The following PCDH15 variants were observed in gnomAD, a reference collection of about 807,000 sequenced individuals.
The protein encoded by PCDH15 is protocadherin related 15.
A neutral mutation model predicts 178.5 loss-of-function variants in PCDH15; 129 were observed. That is an observed-to-expected ratio of 0.72 (90% CI 0.63 to 0.84). The LOEUF (loss-of-function observed/expected upper bound fraction) is 0.84. PCDH15 is among the 40% of genes least tolerant of loss of function. The probability of loss-of-function intolerance (pLI) is 0.00; values close to 1 mark genes in which losing one functional copy is unlikely to be tolerated. For synonymous variants in PCDH15, 800 were observed against 732.0 expected (o/e 1.09, Z -1.50); for missense variants, 2,230 against 2,099.9 (o/e 1.06, Z -1.21).
chr10:54,042,095 T>C (rs1245280246), intron 18 of PCDH15, among the ~76,000 whole-genome samples: 2 of 152,056 alleles, frequency 1.3e-5, no homozygotes, highest in Admixed American at 1.3e-4. Context: ...AATGTCAAAC[T>C]GGGGAGGCTC....
At chr10:54,001,613 G>T (rs1456395983) in intron 20 of PCDH15, among the ~76,000 whole-genome samples, 7 of 151,808 alleles carry the variant, frequency 4.6e-5, no homozygotes, top group Non-Finnish European at 1.0e-4. Flanking sequence ...AAGCACCAGA[G>T]TATACTACCT....
chr10:53,823,676 A>ACGTAACAGTTCC (rs1360180716), intron 32 of PCDH15: 7 of 480,030 alleles, frequency 1.5e-5, no homozygotes, highest in Non-Finnish European at 2.5e-5. Context: ...CCATGTCCAC[A>ACGTAACAGTTCC]CGTAACAGTT....
intron 2 of PCDH15, among the ~76,000 whole-genome samples, chr10:55,327,393 C>T (rs1844061256): frequency 6.6e-6 from 1 of 151,658 alleles, no homozygotes; most frequent in Non-Finnish European, 1.5e-5. Flanking sequence ...ATGTGAAATG[C>T]AAAATAATGA....
intron 2 of PCDH15, among the ~76,000 whole-genome samples, chr10:55,534,098 T>G (rs1230870820): frequency 6.6e-6 from 1 of 151,716 alleles, no homozygotes; most frequent in African/African-American, 2.4e-5. Context: ...GGATTAAAGA[T>G]TTAAAGACAT....
rs549889762 is a variant in PCDH15, at chr10:54,405,795, T to C, written c.158-26853A>G. Among the ~76,000 whole-genome samples, 3 of 151,540 alleles carry C rather than the reference T, an allele frequency of 2.0e-5. No individual in the cohort carries two copies. In the South Asian group the frequency reaches 6.2e-4, roughly 31 times the overall value. On this transcript the variant is annotated intron_variant, in intron 3 of 37. Coordinates refer to ENST00000644397, the MANE Select transcript of PCDH15 (RefSeq NM_001384140.1). ...GAGATGTATAAGAATATATACAAAA[T>C]GTAATAATGGTTACTTCCAAACAAT...
chr10:54,265,573 T>C (rs1375649727), intron 8 of PCDH15, among the ~76,000 whole-genome samples: 2 of 150,946 alleles, frequency 1.3e-5, no homozygotes, highest in East Asian at 1.9e-4. Context: ...AGTAAAGGGA[T>C]AGAGAAAGAT....
chr10:54,412,203 A>G lies in PCDH15; in HGVS notation c.158-33261T>C, dbSNP rs372574737. Among the ~76,000 whole-genome samples the G allele has an allele frequency of 3.1e-4, 47 of 150,868 alleles. No homozygotes were observed. The East Asian group carries it at 8.1e-3, about 26-fold the overall frequency. On this transcript the variant is annotated intron_variant, in intron 3 of 37. Coordinates refer to ENST00000644397, the MANE Select transcript of PCDH15 (RefSeq NM_001384140.1). ...TAAGGGAAAACATCTGATAAAATTA[A>G]AAAATAAATATCTTATTTAAAAATA...
intron 2 of PCDH15, among the ~76,000 whole-genome samples, chr10:55,361,353 T>C (rs1344499328): frequency 6.6e-6 from 1 of 152,064 alleles, no homozygotes; most frequent in African/African-American, 2.4e-5. Context: ...AAACTAATTG[T>C]ATAAATAGTC....
chr10:54,117,855 C>T (rs2132809874), intron 15 of PCDH15, among the ~76,000 whole-genome samples: 1 of 152,170 alleles, frequency 6.6e-6, no homozygotes, highest in South Asian at 2.1e-4. Flanking sequence ...TGGAGTCTGG[C>T]TGAGTCTGGG....
chr10:55,259,972 A>G (rs1842108407), intron 1 of PCDH15, among the ~76,000 whole-genome samples: 1 of 151,346 alleles, frequency 6.6e-6, no homozygotes, highest in African/African-American at 2.4e-5. Context: ...CAGAAAATGT[A>G]AAGAACTAGA....
chr10:54,223,562 T>TTTTTTTTTTTTTTTTTGA (rs1554845758), intron 9 of PCDH15, among the ~76,000 whole-genome samples: 5 of 146,182 alleles, frequency 3.4e-5, no homozygotes, highest in Admixed American at 7.0e-5. Flanking sequence ...ATATTATTTT[T>TTTTTTTTTTTTTTTTTGA]GAAGTGTTTA....
At chr10:54,132,552 A>G (rs930796920) in intron 15 of PCDH15, among the ~76,000 whole-genome samples, 3 of 152,236 alleles carry the variant, frequency 2.0e-5, no homozygotes, top group Non-Finnish European at 4.4e-5. Context: ...AATAATAGTC[A>G]GCTGCAGACT....
intron 3 of PCDH15, among the ~76,000 whole-genome samples, chr10:54,830,380 T>G (rs1024289158): frequency 9.9e-5 from 15 of 152,100 alleles, no homozygotes; most frequent in African/African-American, 3.6e-4. Context: ...GTGGCACATA[T>G]ACACCATGGA....
chr10:54,056,610 G>A (rs559342111), intron 18 of PCDH15, among the ~76,000 whole-genome samples: 11 of 151,676 alleles, frequency 7.3e-5, no homozygotes, highest in Non-Finnish European at 1.6e-4. Flanking sequence ...GACACATGGG[G>A]ATTATAATTC....
At chr10:53,888,702 T>TATATATAA (rs1554845542) in intron 26 of PCDH15, among the ~76,000 whole-genome samples, 1 of 46,188 alleles carries the variant, frequency 2.2e-5, no homozygotes, top group African/African-American at 5.9e-5. Flanking sequence ...TATATATATA[T>TATATATAA]ATCTCCTGTG....
chr10:54,512,745 T>A (rs2137814085), intron 3 of PCDH15, among the ~76,000 whole-genome samples: 1 of 152,296 alleles, frequency 6.6e-6, no homozygotes, highest in African/African-American at 2.4e-5. Context: ...AAATTATTAA[T>A]GAAAGTATAA....
intron 1 of PCDH15, among the ~76,000 whole-genome samples, chr10:55,196,524 C>T (rs573694587): frequency 6.6e-6 from 1 of 152,106 alleles, no homozygotes; most frequent in Admixed American, 6.5e-5. Flanking sequence ...ATCCTAACAG[C>T]TTCCTGGATA....
Position 54,698,436 on chromosome 10 carries a change from T to C in PCDH15, c.-28-34146A>G, listed in dbSNP as rs1591127657. Among the ~76,000 whole-genome samples the C allele has an allele frequency of 3.9e-5, 6 of 152,252 alleles. 1 individual carries two copies. Among genetic ancestry groups the C allele is most frequent in the African/African-American group, 1.4e-4 (6 of 41,580 alleles). On this transcript the variant is annotated intron_variant, in intron 1 of 37. Transcript: ENST00000644397. ...TTTAGTGCTGTATAGATTCTGTGTT[T>C]AGAAGGATTCCGAGGGTGTCTGTTG...
intron 25 of PCDH15, among the ~76,000 whole-genome samples, chr10:53,914,432 C>A (rs1051005660): frequency 4.6e-5 from 7 of 152,102 alleles, no homozygotes; most frequent in Non-Finnish European, 1.0e-4. Flanking sequence ...TACTATGCAG[C>A]CATAAAAAAT....
Sources: allele counts gnomAD v4.1 joint callset (sites outside exome capture counted in the v4.1 genomes callset), GRCh38; gene constraint gnomAD v4.1.1; transcripts MANE v1.5; gene names NCBI Gene and HGNC (gene_info 2026-07-23, HGNC 2026-07-21).